Variants in OVCH1 observed in about 807,000 individuals in gnomAD.
OVCH1 encodes the protein ovochymase-1.
In OVCH1, 139 loss-of-function variants were observed where a neutral mutation model predicts 138.4. The observed-to-expected ratio is 1.00, with a 90% CI of 0.87 to 1.16. The LOEUF is 1.16. Ranked by LOEUF, OVCH1 falls within the 50% of genes most tolerant of loss-of-function variation. OVCH1 has a pLI of 0.00. For missense variants in OVCH1, 1,367 were observed against 1,357.9 expected, an observed-to-expected ratio of 1.01 and a Z score of -0.11; for synonymous variants, 453 against 467.8, an observed-to-expected ratio of 0.97 and a Z score of 0.41.
intron 26 of OVCH1, among the ~76,000 whole-genome samples, chr12:29,437,783 A>G (rs1193965760): frequency 6.6e-6 from 1 of 152,206 alleles, no homozygotes; most frequent in Non-Finnish European, 1.5e-5. Context: ...CTAATGGTTA[A>G]TCCTGTGTTT....
chr12:29,459,730 C>A (rs1443922944), intron 19 of OVCH1, among the ~76,000 whole-genome samples: 1 of 152,028 alleles, frequency 6.6e-6, no homozygotes, highest in African/African-American at 2.4e-5. Context: ...GTATCAAAAT[C>A]TCATGTCCCC....
intron 26 of OVCH1, among the ~76,000 whole-genome samples, chr12:29,437,362 TTAA>T (rs1351142881): frequency 1.3e-5 from 2 of 152,198 alleles, no homozygotes; most frequent in African/African-American, 4.8e-5. Flanking sequence ...TTTATTGTAC[TTAA>T]TAATTTTTTC....
At chr12:29,486,628 T>C (rs1233458456) in intron 7 of OVCH1, among the ~76,000 whole-genome samples, 3 of 152,128 alleles carry the variant, frequency 2.0e-5, no homozygotes, top group African/African-American at 7.2e-5. Context: ...GAAAACTCAA[T>C]TTAACCCTAT....
intron 19 of OVCH1, among the ~76,000 whole-genome samples, chr12:29,459,505 A>T (rs1237807159): frequency 6.6e-6 from 1 of 152,174 alleles, no homozygotes; most frequent in East Asian, 1.9e-4. Context: ...GTGGGTGAGT[A>T]TAGGGGAAGT....
At chr12:29,494,135 T>C (rs1031108369) in intron 4 of OVCH1, among the ~76,000 whole-genome samples, 1 of 152,170 alleles carries the variant, frequency 6.6e-6, no homozygotes, top group Non-Finnish European at 1.5e-5. Flanking sequence ...CCTTATTCCC[T>C]CACTTTATGT....
intron 3 of OVCH1, among the ~76,000 whole-genome samples, chr12:29,416,066 C>G (rs1377287242): frequency 8.6e-6 from 1 of 115,996 alleles, no homozygotes; most frequent in Non-Finnish European, 1.9e-5. Context: ...ATCCCTTAGA[C>G]CACAAAAAAA....
chr12:29,418,404 C>T (rs1941059701), intron 3 of OVCH1, among the ~76,000 whole-genome samples: 1 of 152,198 alleles, frequency 6.6e-6, no homozygotes. Context: ...TTGAAATCTT[C>T]TGTAGACCTC....
At chr12:29,441,856 A>C (rs1401913979) in intron 25 of OVCH1, among the ~76,000 whole-genome samples, 2 of 152,188 alleles carry the variant, frequency 1.3e-5, no homozygotes, top group African/African-American at 4.8e-5. Flanking sequence ...ATGCAGCCAA[A>C]AAACACATGA....
chr12:29,475,295 C>T, intron 13 of OVCH1, 106 bp from the exon 14 acceptor site: 1 of 939,424 alleles, frequency 1.1e-6, no homozygotes, highest in Non-Finnish European at 1.5e-6. Context: ...TAGTTTTCTC[C>T]AACTTTGATT....
intron 8 of OVCH1, among the ~76,000 whole-genome samples, chr12:29,484,039 A>G (rs887606009): frequency 2.0e-5 from 3 of 152,206 alleles, no homozygotes; most frequent in Admixed American, 6.5e-5. Context: ...AACTTGTAGA[A>G]CTGTTATCTT....
intron 9 of OVCH1, among the ~76,000 whole-genome samples, chr12:29,478,194 T>C (rs1280405152): frequency 1.3e-5 from 2 of 152,132 alleles, no homozygotes; most frequent in Non-Finnish European, 2.9e-5. Flanking sequence ...TAAGAGGTAT[T>C]CAATAAAATA....
rs908015517 is a variant in OVCH1 at position 29,442,767 on chromosome 12, A to G, written c.3157+594T>C. 1.1e-4 allele frequency among the ~76,000 whole-genome samples: 17 copies of G among 152,154 alleles called. No individual in the cohort carries two copies. The East Asian group carries it at 2.3e-3, about 21-fold the overall frequency. ...AGAATAGATCCATATACAACTAAGT[A>G]ATGTCAGCTAAAGTATGAGATAAAA... On this transcript the variant is annotated intron_variant, in intron 25 of 27. Coordinates refer to ENST00000318184, the Ensembl canonical transcript of OVCH1.
Position 29,428,874 on chromosome 12 carries a change from A to G in OVCH1, c.3328-1226T>C, listed in dbSNP as rs775821304. On this transcript the variant is annotated intron_variant, in intron 27 of 27. Transcript: ENST00000318184. ...AAAATGTTTCAAAAAGTTTCCCTCTATGAGTCAGTCTCATGATGGAATACT... is the reference window on the plus strand; with the variant it reads ...AAAATGTTTCAAAAAGTTTCCCTCTGTGAGTCAGTCTCATGATGGAATACT... Among the ~76,000 whole-genome samples, 29 of 152,262 alleles carry G rather than the reference A, an allele frequency of 1.9e-4. 1 individual carries two copies. Among genetic ancestry groups the G allele is most frequent in the Admixed American group, 8.5e-4 (13 of 15,288 alleles).
exon 3 of OVCH1, chr12:29,496,198 G>A (rs749083002): frequency 6.2e-7 from 1 of 1,607,570 alleles, no homozygotes; most frequent in Admixed American, 1.7e-5. Context: ...GGCTGTCCAG[G>A]CAGTGTGCTG....
At chr12:29,489,181 T>C (rs3825239) in intron 6 of OVCH1, among the ~76,000 whole-genome samples, 61,487 of 151,950 alleles carry the variant, frequency 0.4, 12,703 homozygotes, top group East Asian at 0.55. Flanking sequence ...AGATTGTAGT[T>C]ATTCCCAATA....
chr12:29,469,870 A>G (rs1359636554), intron 16 of OVCH1, among the ~76,000 whole-genome samples: 4 of 152,130 alleles, frequency 2.6e-5, no homozygotes, highest in Admixed American at 1.3e-4. Flanking sequence ...CTGGTTCTCA[A>G]AACAAGATGG....
At chr12:29,495,293 A>G (rs992726608) in exon 4 of OVCH1, 2 of 1,608,630 alleles carry the variant, frequency 1.2e-6, no homozygotes, top group African/African-American at 2.7e-5. Context: ...ACCAAACTTG[A>G]CTTTGTGTTT....
At chr12:29,497,672 G>A in exon 1 of OVCH1, 1 of 1,613,964 alleles carries the variant, frequency 6.2e-7, no homozygotes, top group Non-Finnish European at 8.5e-7. Flanking sequence ...AACCAGCACT[G>A]GCCAGCAGGC....
chr12:29,432,989 T>G (rs1307447097), intron 27 of OVCH1, among the ~76,000 whole-genome samples: 1 of 152,094 alleles, frequency 6.6e-6, no homozygotes. Flanking sequence ...GAGGATAAAT[T>G]CAAGAAAAAC....
Sources: allele counts gnomAD v4.1 joint callset (sites outside exome capture counted in the v4.1 genomes callset), GRCh38; gene constraint gnomAD v4.1.1; transcripts MANE v1.5; gene names NCBI Gene and HGNC (gene_info 2026-07-23, HGNC 2026-07-21).